Variants in TRAPPC9 observed in about 807,000 individuals in gnomAD.
TRAPPC9 encodes IKK2 binding protein.
Under a neutral mutation model 124.0 loss-of-function variants are expected in TRAPPC9, and 83 were observed. That is an observed-to-expected ratio of 0.67 (90% confidence interval 0.56 to 0.80). The LOEUF is 0.80. TRAPPC9 is among the 30% of genes least tolerant of loss of function. The probability of loss-of-function intolerance (pLI) is 0.00; values close to 1 mark genes in which losing one functional copy is unlikely to be tolerated. For synonymous variants in TRAPPC9, 638 were observed against 617.5 expected, an observed-to-expected ratio of 1.03 and a Z score of -0.49; for missense variants, 1,302 against 1,508.3, an observed-to-expected ratio of 0.86 and a Z score of 2.27.
At chr8:140,377,184 A>G (rs950865668) in intron 7 of TRAPPC9, among the ~76,000 whole-genome samples, 1 of 152,204 alleles carries the variant, frequency 6.6e-6, no homozygotes, top group African/African-American at 2.4e-5. Flanking sequence ...CTATTTTACC[A>G]TCTTTGGGTT....
intron 16 of TRAPPC9, among the ~76,000 whole-genome samples, chr8:140,233,654 A>ACACACACACACACACAC (rs1563868284): frequency 2.6e-5 from 1 of 38,204 alleles, no homozygotes; most frequent in African/African-American, 8.5e-5. Flanking sequence ...CACACACATA[A>ACACACACACACACACAC]ACACACCCTC....
chr8:139,884,671 T>C (rs1195341805), intron 21 of TRAPPC9, among the ~76,000 whole-genome samples: 1 of 152,142 alleles, frequency 6.6e-6, no homozygotes, highest in Admixed American at 6.5e-5. Flanking sequence ...AGGAGATAGA[T>C]AGGACATTCC....
At chr8:139,870,167 GAT>G (rs1828809479) in intron 21 of TRAPPC9, among the ~76,000 whole-genome samples, 1 of 152,198 alleles carries the variant, frequency 6.6e-6, no homozygotes, top group Admixed American at 6.6e-5. Flanking sequence ...ATTGGGAAAA[GAT>G]AGATTATTGA....
At chr8:139,807,392 C>T (rs1824142314) in intron 21 of TRAPPC9, among the ~76,000 whole-genome samples, 1 of 152,134 alleles carries the variant, frequency 6.6e-6, no homozygotes, top group African/African-American at 2.4e-5. Flanking sequence ...CTTTCCCTGG[C>T]CAGCAGAGGT....
intron 2 of TRAPPC9, among the ~76,000 whole-genome samples, chr8:140,447,476 AAAAAAGAAAAAG>A (rs1168525273): frequency 6.6e-6 from 1 of 152,172 alleles, no homozygotes; most frequent in Non-Finnish European, 1.5e-5. Context: ...GTATGACAGA[AAAAAAGAAAAAG>A]AAAAAGAAAA....
chr8:139,780,616 T>A (rs1821743835), intron 21 of TRAPPC9, among the ~76,000 whole-genome samples: 1 of 152,136 alleles, frequency 6.6e-6, no homozygotes, highest in African/African-American at 2.4e-5. Flanking sequence ...ACCTTGGGTA[T>A]GGCAATGCCA....
Position 140,089,444 on chromosome 8 carries a change from A to G in TRAPPC9, c.2557-65365T>C, listed in dbSNP as rs188873802. ...GATGCATTAAGTCTGCAGTCAAATC[A>G]ATAAATAGTCCTACTACGTGAAATA... On this transcript the variant is annotated intron_variant, in intron 17 of 22. Transcript: ENST00000438773. Among the ~76,000 whole-genome samples the G allele has an allele frequency of 3.9e-3, 601 of 152,322 alleles. 6 individuals are homozygous for G. Among genetic ancestry groups the G allele is most frequent in the African/African-American group, 0.014 (564 of 41,572 alleles).
chr8:140,255,881 G>C (rs528739056), intron 15 of TRAPPC9, among the ~76,000 whole-genome samples: 80 of 152,286 alleles, frequency 5.3e-4, no homozygotes, highest in Admixed American at 1.6e-3. Context: ...GCGAGACTCC[G>C]TCCCCAAAAC....
intron 18 of TRAPPC9, among the ~76,000 whole-genome samples, chr8:140,003,303 G>A (rs1032737064): frequency 2.6e-5 from 4 of 152,050 alleles, no homozygotes; most frequent in South Asian, 2.1e-4. Flanking sequence ...GGCCGGGTGC[G>A]GTGGCTCATG....
intron 18 of TRAPPC9, among the ~76,000 whole-genome samples, chr8:139,991,114 T>C (rs1837613061): frequency 6.6e-6 from 1 of 152,232 alleles, no homozygotes; most frequent in Non-Finnish European, 1.5e-5. Flanking sequence ...TCTGTTGTCA[T>C]AACTTCATGA....
At chr8:140,085,253 G>A (rs777664222) in intron 17 of TRAPPC9, among the ~76,000 whole-genome samples, 41 of 151,290 alleles carry the variant, frequency 2.7e-4, no homozygotes, top group Non-Finnish European at 3.8e-4. Flanking sequence ...ACACGCCCAC[G>A]TCCAGCAGGA....
At chr8:140,397,547 A>G in intron 7 of TRAPPC9, 73 bp downstream of exon 7, 1 of 1,577,748 alleles carries the variant, frequency 6.3e-7, no homozygotes, top group Non-Finnish European at 8.7e-7. Context: ...AAACGAAATA[A>G]GCTGAATTCA....
chr8:139,944,793 T>C (rs555803837), intron 19 of TRAPPC9, among the ~76,000 whole-genome samples: 14 of 152,284 alleles, frequency 9.2e-5, no homozygotes, highest in African/African-American at 3.1e-4. Context: ...TATTAATAAA[T>C]TAAATACTCT....
chr8:140,276,759 T>C (rs2131660726), intron 14 of TRAPPC9, among the ~76,000 whole-genome samples: 1 of 152,138 alleles, frequency 6.6e-6, no homozygotes, highest in South Asian at 2.1e-4. Flanking sequence ...CACGGCTCCC[T>C]GGAGAAGTTT....
chr8:139,968,886 C>G (rs1032953429), intron 19 of TRAPPC9, among the ~76,000 whole-genome samples: 1 of 152,194 alleles, frequency 6.6e-6, no homozygotes, highest in Non-Finnish European at 1.5e-5. Flanking sequence ...CTCTAACCCC[C>G]GTCTCTGCAG....
intron 18 of TRAPPC9, among the ~76,000 whole-genome samples, chr8:140,017,409 G>A (rs1034983524): frequency 3.3e-5 from 5 of 152,236 alleles, no homozygotes. Context: ...CAGATGTGAT[G>A]TATGGGTGAA....
intron 21 of TRAPPC9, among the ~76,000 whole-genome samples, chr8:139,856,836 A>G (rs1379842074): frequency 5.3e-5 from 8 of 152,058 alleles, no homozygotes; most frequent in Admixed American, 2.0e-4. Context: ...CATTCATTCA[A>G]ACATTCATCT....
At chr8:139,770,619 T>C (rs952861832) in intron 21 of TRAPPC9, among the ~76,000 whole-genome samples, 2 of 152,260 alleles carry the variant, frequency 1.3e-5, no homozygotes, top group African/African-American at 4.8e-5. Flanking sequence ...CGTCTGGTGC[T>C]CTAGGAGGGA....
At chr8:140,277,068 C>T (rs1364133575) in intron 14 of TRAPPC9, among the ~76,000 whole-genome samples, 2 of 152,182 alleles carry the variant, frequency 1.3e-5, no homozygotes, top group Non-Finnish European at 2.9e-5. Flanking sequence ...CACACAGGAT[C>T]GGAGTCGGAT....
Sources: gnomAD v4.1 joint callset for allele counts (sites outside exome capture counted in the v4.1 genomes callset) on GRCh38, gnomAD v4.1.1 for gene constraint, MANE v1.5 for transcripts, NCBI Gene and HGNC (gene_info 2026-07-23, HGNC 2026-07-21) for gene names.